Variants in POLD1 observed in about 807,000 individuals in gnomAD.
The protein encoded by POLD1 is DNA polymerase delta 1, catalytic subunit, also known as DNA polymerase delta catalytic subunit.
A neutral mutation model predicts 129.7 loss-of-function variants in POLD1; 79 were observed. That is an observed-to-expected ratio of 0.61 (90% confidence interval 0.51 to 0.73). The LOEUF is 0.73. Among genes scored for constraint, POLD1 ranks in the 30% least tolerant of loss-of-function variants. The pLI, the probability that POLD1 is intolerant of heterozygous loss-of-function variation, is 0.00. For missense variants in POLD1, 1,338 were observed against 1,595.8 expected (o/e 0.84, Z 2.75); for synonymous variants, 714 against 683.3 (o/e 1.04, Z -0.70).
rs1289561228 is a variant in POLD1 at position 50,406,439 on chromosome 19, C to T, written c.1416C>T (p.Tyr472=). 5 of 1,600,178 alleles carry T rather than the reference C, an allele frequency of 3.1e-6. No individual in the cohort carries two copies. In the Admixed American group the frequency reaches 6.9e-5, roughly 22 times the overall value. ...TGCGGGAGTACAAGCTCCGCTCCTA[C>T]ACGCTCAATGCCGTGAGCTTCCACT... is the stretch of plus-strand genomic sequence containing the variant. ...VLLREYKLRS[Y]TLNAVSFHFL... Residue 472 remains tyrosine (Y), a synonymous_variant, in exon 12 of 27, where the codon TAC becomes TAT. Transcript: ENST00000440232. This position sits in a 1 kb window ranked among gnomAD's most constrained non-coding sequence, Gnocchi z 5.5.
At chr19:50,400,861 T>A (rs1204136003) in intron 3 of POLD1, among the ~76,000 whole-genome samples, 1 of 151,636 alleles carries the variant, frequency 6.6e-6, no homozygotes, top group African/African-American at 2.4e-5. Context: ...AACTCCTGGC[T>A]AATTTTTTGT....
chr19:50,399,023 C>T lies in POLD1; in HGVS notation c.172C>T (p.Leu58=), dbSNP rs2122197253. The T allele has an allele frequency of 6.4e-7, 1 of 1,558,310 alleles. No individual in the cohort carries two copies. The change falls in exon 2 of 27, where the codon CTG becomes TTG. Residue 58 remains leucine, a synonymous_variant. Coordinates refer to ENST00000440232, the MANE Select transcript of POLD1 (RefSeq NM_002691.4). ...GCTGCAGGAGCAGGAGGAGGAGGAG[C>T]TGCAGTCAGTCCTGGAGGGGGTTGC... ...HRLQEQEEEE[L]QSVLEGVADG... is the part of the protein sequence containing the mutation.
intron 3 of POLD1, among the ~76,000 whole-genome samples, chr19:50,400,211 A>ATTTTTTTTTTTTT (rs549820323): frequency 1.0e-4 from 7 of 67,814 alleles, no homozygotes; most frequent in African/African-American, 4.1e-4. Flanking sequence ...CTGGCCAATA[A>ATTTTTTTTTTTTT]TTTTTTTTTT....
At chr19:50,384,609 A>G (rs2123687078) in intron 1 of POLD1, among the ~76,000 whole-genome samples, 2 of 143,828 alleles carry the variant, frequency 1.4e-5, no homozygotes, top group Non-Finnish European at 1.5e-5. Flanking sequence ...CAGGGGGCGC[A>G]TGCGCCGGGC....
Position 50,402,003 on chromosome 19 carries a change from C to CG in POLD1, c.471dup (p.Pro158AlafsTer6). 1 of 1,614,076 alleles carries CG rather than the reference C, an allele frequency of 6.2e-7. No homozygotes were observed. The highest frequency in any genetic ancestry group is 1.1e-5 in the South Asian group (1 of 91,080). ...TGATCATCCCTCCCACACCAGGTTT[C>CG]GGGCCCGAGCACATGGGTGACCTGC... is the stretch of plus-strand genomic sequence containing the variant. On this transcript the variant is annotated frameshift_variant, in exon 5 of 27. Coordinates refer to ENST00000440232, the MANE Select transcript of POLD1 (RefSeq NM_002691.4). LOFTEE classifies it high-confidence loss of function.
At chr19:50,416,059 A>G (rs2122485632) in intron 22 of POLD1, 1 of 572,116 alleles carries the variant, frequency 1.7e-6, no homozygotes, top group South Asian at 2.3e-5. Context: ...CTGTGCATAC[A>G]GCTCCCCAGC....
chr19:50,407,283 G>T (rs1256664832), intron 13 of POLD1, 44 bp from the exon 14 acceptor site: 1 of 1,573,240 alleles, frequency 6.4e-7, no homozygotes, highest in Non-Finnish European at 8.7e-7. Context: ...AATCCGCACG[G>T]CCCCACCTAT....
rs762828545 is a variant in POLD1, at chr19:50,417,248, A to G, written c.3197A>G (p.His1066Arg). The G allele has an allele frequency of 2.5e-5, 40 of 1,599,878 alleles. No homozygotes were observed. Among genetic ancestry groups the G allele is most frequent in the Non-Finnish European group, 3.4e-5 (40 of 1,176,292 alleles). Reference protein sequence around the residue: ...TQCQRCQGSLHEDVICTSRDC... With the variant: ...TQCQRCQGSLREDVICTSRDC... ...TGCCAGCGCTGCCAGGGCAGCCTGC[A>G]CGAGGACGTCATCTGCACCAGGTGT... Residue 1066 changes from histidine to arginine, a missense_variant, in exon 26 of 27, where the codon CAC becomes CGC. By Grantham distance (29) the His-to-Arg change is conservative (BLOSUM62 0). Transcript: ENST00000440232.
intron 1 of POLD1, among the ~76,000 whole-genome samples, chr19:50,394,495 T>C (rs933162697): frequency 7.9e-5 from 12 of 151,280 alleles, no homozygotes; most frequent in Non-Finnish European, 1.3e-4. Context: ...CTACTAAAAA[T>C]ACAAAAAAAA....
Position 50,403,149 on chromosome 19 carries a change from C to G in POLD1, c.1067C>G (p.Thr356Ser), listed in dbSNP as rs989090668. The G allele has an allele frequency of 2.5e-5, 39 of 1,560,458 alleles. 1 individual carries two copies. The change falls in exon 9 of 27, where the codon ACC (threonine) becomes AGC (serine). Residue 356 changes from threonine to serine, a missense_variant. Physicochemically the swap from Thr to Ser is moderately conservative, Grantham distance 58. This residue lies in a region of POLD1 where 720 missense variants were observed against 1,002.6 expected (regional missense o/e 0.72). Coordinates refer to ENST00000440232, the MANE Select transcript of POLD1 (RefSeq NM_002691.4). ...GAGCCCTTCCTACGCCTGGCGCTCACCCTGCGGCCCTGTGCCCCCATCCTG... is the reference window on the plus strand; with the variant it reads ...GAGCCCTTCCTACGCCTGGCGCTCAGCCTGCGGCCCTGTGCCCCCATCCTG... ...EPEPFLRLAL[T>S]LRPCAPILGA...
intron 1 of POLD1, among the ~76,000 whole-genome samples, chr19:50,398,570 CAA>C (rs35689550): frequency 1.0e-3 from 65 of 64,232 alleles, no homozygotes; most frequent in African/African-American, 4.3e-3. Flanking sequence ...AATTCCATCT[CAA>C]AAAAAAAAAA....
chr19:50,408,299 C>T (rs2038971458), intron 14 of POLD1, among the ~76,000 whole-genome samples: 1 of 152,098 alleles, frequency 6.6e-6, no homozygotes, highest in South Asian at 2.1e-4. Context: ...TGCGCCACTG[C>T]ACTCCAGCCT....
intron 1 of POLD1, among the ~76,000 whole-genome samples, chr19:50,396,901 G>A (rs2038388067): frequency 6.6e-6 from 1 of 150,774 alleles, no homozygotes; most frequent in African/African-American, 2.4e-5. Flanking sequence ...TTCAAGACCA[G>A]GATGGCCAAC....
In POLD1 at chr19:50,400,759, C is replaced by T. The variant is rs575907155; in HGVS notation, c.317-1019C>T. ...TCACCTAGGCTGGAGTGCAGTGGCG[C>T]GATCTCGGCTCACTGCAAGCTCTGC... On this transcript the variant is annotated intron_variant, in intron 3 of 26. Coordinates refer to ENST00000440232, the MANE Select transcript of POLD1 (RefSeq NM_002691.4). Among the ~76,000 whole-genome samples the T allele has an allele frequency of 7.4e-4, 111 of 149,646 alleles. 1 individual carries two copies. Among genetic ancestry groups the T allele is most frequent in the Non-Finnish European group, 1.3e-3 (91 of 67,470 alleles).
chr19:50,398,091 C>G (rs1282011866), intron 1 of POLD1, among the ~76,000 whole-genome samples: 1 of 152,066 alleles, frequency 6.6e-6, no homozygotes, highest in Non-Finnish European at 1.5e-5. Context: ...AGAGCACACA[C>G]ACGACACGCT....
chr19:50,389,411 C>T (rs7249052), intron 1 of POLD1, among the ~76,000 whole-genome samples: 2 of 151,998 alleles, frequency 1.3e-5, no homozygotes, highest in Non-Finnish European at 2.9e-5. Flanking sequence ...CGTGAGCCAC[C>T]GTACCTGGCC....
intron 1 of POLD1, among the ~76,000 whole-genome samples, chr19:50,386,577 G>T (rs977249990): frequency 6.6e-6 from 1 of 152,248 alleles, no homozygotes; most frequent in Non-Finnish European, 1.5e-5. Context: ...AACGAAAGTG[G>T]CACAAGGCGT....
At chr19:50,404,724 G>A (rs565777624) in intron 10 of POLD1, among the ~76,000 whole-genome samples, 5 of 150,080 alleles carry the variant, frequency 3.3e-5, no homozygotes, top group Admixed American at 2.0e-4. Flanking sequence ...GATTACAGGC[G>A]TGAGCCACCA....
Position 50,406,567 on chromosome 19 carries a change from A to G in POLD1, c.1494+50A>G. 7.3e-7 allele frequency: 1 copy of G among 1,362,236 alleles called. No individual in the cohort carries two copies. Among genetic ancestry groups the G allele is most frequent in the Non-Finnish European group, 1.0e-6 (1 of 978,154 alleles). 84.4% of individuals were successfully genotyped at this position (1,362,236 alleles called of 1,614,324 possible). A position where few individuals can be genotyped will look rare whatever the true frequency, so the allele number is the denominator to read the frequency against. On this transcript the variant is annotated intron_variant, in intron 12 of 26. Coordinates refer to ENST00000440232, the MANE Select transcript of POLD1 (RefSeq NM_002691.4). The surrounding 1 kb of genome is among the most constrained non-coding windows in gnomAD (Gnocchi z 5.5). ...CACCCCAACCTCTGACCTCCACCTC[A>G]CCCTTCCCCGGCCTCTGACCTCAAC...
Sources: gnomAD v4.1 joint callset for allele counts (sites outside exome capture counted in the v4.1 genomes callset) on GRCh38, gnomAD v4.1.1 for gene constraint, gnomAD v4.1.1 regional missense constraint, Gnocchi (gnomAD v3.1) non-coding constraint, MANE v1.5 for transcripts, NCBI Gene and HGNC (gene_info 2026-07-23, HGNC 2026-07-21) for gene names.